Variants in LZIC observed in about 807,000 individuals in gnomAD.
LZIC encodes the protein protein LZIC.
A neutral mutation model predicts 25.4 loss-of-function variants in LZIC; 28 were observed. That is an observed-to-expected ratio of 1.10 (90% confidence interval 0.82 to 1.51). The LOEUF is 1.51. Among genes scored for constraint, LZIC ranks in the 40% most tolerant of loss-of-function variants. LZIC has a pLI of 0.00. For synonymous variants in LZIC, 65 were observed against 70.7 expected (o/e 0.92, Z 0.40); for missense variants, 170 against 211.1 (o/e 0.81, Z 1.21).
rs1171705550 is a variant in LZIC, at chr1:9,927,437, GACC to G, written c.*2959_*2961del. ...TGACCTCAGCTTCCTGAGTAGCTGGGACCACAAGTGCATGCCATCACGCCTGGC... is the reference window on the plus strand; with the variant it reads ...TGACCTCAGCTTCCTGAGTAGCTGGGACAAGTGCATGCCATCACGCCTGGC... On this transcript the variant is annotated 3_prime_UTR_variant, in exon 8 of 8. Transcript: ENST00000377223. Among the ~76,000 whole-genome samples the G allele has an allele frequency of 6.6e-6, 1 of 151,366 alleles. No homozygotes were observed. Among genetic ancestry groups the G allele is most frequent in the Non-Finnish European group, 1.5e-5 (1 of 67,962 alleles).
At chr1:9,925,717 G>A (rs1639963840), downstream of LZIC, among the ~76,000 whole-genome samples, 1 of 151,806 alleles carries the variant, frequency 6.6e-6, no homozygotes, top group Non-Finnish European at 1.5e-5. Context: ...AGCCTCCTGA[G>A]TAGCTGGGAT....
downstream of LZIC, among the ~76,000 whole-genome samples, chr1:9,924,349 TTTTA>T (rs572062615): frequency 1.8e-3 from 155 of 86,010 alleles, no homozygotes; most frequent in Non-Finnish European, 3.4e-3. Flanking sequence ...TATTATTTTA[TTTTA>T]TTTATTTATT....
In LZIC at chr1:9,929,878, G is replaced by A. The variant is rs980190750; in HGVS notation, c.*521C>T. 2.2e-5 allele frequency: 21 copies of A among 963,682 alleles called. No individual in the cohort carries two copies. The highest frequency in any genetic ancestry group is 6.2e-5 in the Admixed American group (1 of 16,230). The allele number at this position is 963,682 out of a possible 1,614,324, so 59.7% of individuals were successfully genotyped here. A position where few individuals can be genotyped will look rare whatever the true frequency, so the allele number is the denominator to read the frequency against. On this transcript the variant is annotated 3_prime_UTR_variant, in exon 8 of 8. Transcript: ENST00000377223. ...AGTCTTACCCTCAGCTCTCTGATGCGACTTTAAGCAAAGTCGCTTGCTCTT... is the reference window on the plus strand; with the variant it reads ...AGTCTTACCCTCAGCTCTCTGATGCAACTTTAAGCAAAGTCGCTTGCTCTT...
chr1:9,929,237 ATCTG>A lies in LZIC; in HGVS notation c.*1158_*1161del. 1 of 867,354 alleles carries A rather than the reference ATCTG, an allele frequency of 1.2e-6. No individual in the cohort carries two copies. The highest frequency in any genetic ancestry group is 1.4e-6 in the Non-Finnish European group (1 of 722,334). 53.7% of individuals were successfully genotyped at this position (867,354 alleles called of 1,614,324 possible). ...GCATCAGTGTAGCGGAGGTCCTCTAATCTGTCTGGTTGGCAAAGCACCTAGTAGT... is the reference window on the plus strand; with the variant it reads ...GCATCAGTGTAGCGGAGGTCCTCTAATCTGGTTGGCAAAGCACCTAGTAGT... On this transcript the variant is annotated 3_prime_UTR_variant, in exon 8 of 8. Coordinates refer to ENST00000377223, the MANE Select transcript of LZIC (RefSeq NM_032368.5).
In LZIC at chr1:9,930,507, G is replaced by A. The variant is rs745384264; in HGVS notation, c.515-50C>T. The A allele has an allele frequency of 3.7e-6, 6 of 1,603,774 alleles. No individual in the cohort carries two copies. The Admixed American group carries it at 8.7e-5, about 23-fold the overall frequency. ...CAAAAAGATTATTTCAAGTGCAGTT[G>A]CAATTCCTGGTAAAGTGGGAAAAAA... On this transcript the variant is annotated intron_variant, in intron 7 of 7. Coordinates refer to ENST00000377223, the MANE Select transcript of LZIC (RefSeq NM_032368.5).
intron 2 of LZIC, among the ~76,000 whole-genome samples, chr1:9,938,404 T>G (rs1001077962): frequency 2.2e-4 from 34 of 152,134 alleles, no homozygotes; most frequent in African/African-American, 7.7e-4. Context: ...CAAGAGATCC[T>G]CCCACCTCAG....
intron 2 of LZIC, among the ~76,000 whole-genome samples, chr1:9,938,065 A>G (rs12094254): frequency 0.079 from 12,022 of 151,968 alleles, 632 homozygotes; most frequent in South Asian, 0.13. Context: ...ATATATATAT[A>G]TGTAGATCAA....
Position 9,938,843 on chromosome 1 carries a change from C to T in LZIC, c.-8-2216G>A, listed in dbSNP as rs186195676. 6.4e-3 allele frequency among the ~76,000 whole-genome samples: 978 copies of T among 152,224 alleles called. 9 individuals carry two copies. Among genetic ancestry groups the T allele is most frequent in the Admixed American group, 0.012 (189 of 15,268 alleles). On this transcript the variant is annotated intron_variant, in intron 2 of 7. Transcript: ENST00000377223. ...TACATCTTTATATTCAAGACTTTTA[C>T]AAATTTTTGTTTTCTAGCTGCAGAC...
chr1:9,939,932 G>A (rs113777784), intron 2 of LZIC, among the ~76,000 whole-genome samples: 1,693 of 152,070 alleles, frequency 0.011, 27 homozygotes, highest in African/African-American at 0.032. Flanking sequence ...CAGCCTGGCC[G>A]ACACGGCGAA....
rs764823656 is a variant in LZIC at position 9,934,818 on chromosome 1, C to T, written c.280G>A (p.Val94Ile). 6 of 1,614,142 alleles carry T rather than the reference C, an allele frequency of 3.7e-6. No individual in the cohort carries two copies. The Admixed American group carries it at 1.0e-4, about 27-fold the overall frequency. ...AISQAFKTPE[V>I]IRLFAKKQPG... ...TGTTTCTTTGCAAACAATCTGATGACCTCTGGGGTTTTAAAGGCCTGGCTG... is the reference window on the plus strand; with the variant it reads ...TGTTTCTTTGCAAACAATCTGATGATCTCTGGGGTTTTAAAGGCCTGGCTG... The change falls in exon 5 of 8, where the codon GTC becomes ATC. Residue 94 changes from valine to isoleucine, a missense_variant. Transcript: ENST00000377223.
downstream of LZIC, among the ~76,000 whole-genome samples, chr1:9,923,673 C>T (rs1639913534): frequency 6.6e-6 from 1 of 151,606 alleles, no homozygotes; most frequent in Admixed American, 6.6e-5. Flanking sequence ...TTATGCTTTT[C>T]TGCTAGCATT....
At chr1:9,924,174 CTG>C (rs1639925906), downstream of LZIC, among the ~76,000 whole-genome samples, 1 of 152,264 alleles carries the variant, frequency 6.6e-6, no homozygotes, top group South Asian at 2.1e-4. Flanking sequence ...GCATGAGCCA[CTG>C]TGCCCAGCCA....
chr1:9,940,209 C>A (rs1052803343), intron 2 of LZIC, among the ~76,000 whole-genome samples: 1 of 151,942 alleles, frequency 6.6e-6, no homozygotes, highest in Non-Finnish European at 1.5e-5. Context: ...CAGAGTCTTG[C>A]TCTGTCGCCC....
At chr1:9,942,880 T>C (rs1042142614) in intron 1 of LZIC, 98 bp from the exon 2 acceptor site, 3 of 376,340 alleles carry the variant, frequency 8.0e-6, no homozygotes, top group Non-Finnish European at 1.6e-5. Flanking sequence ...GCCTGAGACA[T>C]CAAGGGCGGG....
At position 9,935,496 on chromosome 1, in the gene LZIC, T is replaced by C; in HGVS notation, c.233A>G (p.Gln78Arg). 6.2e-7 allele frequency: 1 copy of C among 1,601,200 alleles called. No homozygotes were observed. Among genetic ancestry groups the C allele is most frequent in the South Asian group, 1.1e-5 (1 of 87,970 alleles). ...TCGCCTATATGTTATACTTACCAGC[T>C]GCATTCCACTTAGTTCATCTACCAA... ...MTLVDELSGMQLAIQAAISQA... is the reference protein window; with the variant it reads ...MTLVDELSGMRLAIQAAISQA... The change falls in exon 4 of 8, where the codon CAG (glutamine) becomes CGG (arginine). Residue 78 changes from glutamine to arginine, a missense_variant. By Grantham distance (43) the Gln-to-Arg change is conservative (BLOSUM62 1). Coordinates refer to ENST00000377223, the MANE Select transcript of LZIC (RefSeq NM_032368.5).
At chr1:9,938,926 C>T (rs1237265441) in intron 2 of LZIC, among the ~76,000 whole-genome samples, 2 of 152,138 alleles carry the variant, frequency 1.3e-5, no homozygotes, top group African/African-American at 2.4e-5. Flanking sequence ...ACTTTCCTTT[C>T]AAAAACACCC....
Position 9,943,198 on chromosome 1 carries a change from C to A in LZIC, c.-168+51G>T, listed in dbSNP as rs936012462. 3 of 171,734 alleles carry A rather than the reference C, an allele frequency of 1.7e-5. No homozygotes were observed. The South Asian group carries it at 3.5e-4, about 20-fold the overall frequency. 10.6% of individuals were successfully genotyped at this position (171,734 alleles called of 1,614,324 possible). ...CCGGGCTCCAACAGGCCCCAATTGC[C>A]ACCAGAGGTAGCCGTAAACCCATGG... is the stretch of plus-strand genomic sequence containing the variant. On this transcript the variant is annotated intron_variant, in intron 1 of 7. Coordinates refer to ENST00000377223, the MANE Select transcript of LZIC (RefSeq NM_032368.5).
At chr1:9,924,572 T>C (rs780871404), downstream of LZIC, among the ~76,000 whole-genome samples, 4 of 152,084 alleles carry the variant, frequency 2.6e-5, no homozygotes, top group South Asian at 2.1e-4. Flanking sequence ...GCCAGGATAG[T>C]CTCCATCTCC....
chr1:9,939,542 C>CTTTTTTTTTTTT (rs34837155), intron 2 of LZIC, among the ~76,000 whole-genome samples: 11 of 81,958 alleles, frequency 1.3e-4, no homozygotes, highest in Middle Eastern at 0.014. Context: ...CCACATCTGC[C>CTTTTTTTTTTTT]TTTTTTTTTT....
Sources: allele counts gnomAD v4.1 joint callset (sites outside exome capture counted in the v4.1 genomes callset), GRCh38; gene constraint gnomAD v4.1.1; transcripts MANE v1.5; gene names NCBI Gene and HGNC (gene_info 2026-07-23, HGNC 2026-07-21).